The following ADH1C variants were observed in gnomAD, a reference collection of about 807,000 sequenced individuals.
ADH1C encodes the protein alcohol dehydrogenase 1C.
Under a neutral mutation model 35.0 loss-of-function variants are expected in ADH1C, and 26 were observed. That is an observed-to-expected ratio of 0.74 (90% confidence interval 0.54 to 1.03). The LOEUF is 1.03. Among genes scored for constraint, ADH1C ranks in the 50% least tolerant of loss-of-function variants. The pLI, the probability that ADH1C is intolerant of heterozygous loss-of-function variation, is 0.00. For missense variants in ADH1C, 413 were observed against 465.4 expected, an observed-to-expected ratio of 0.89 and a Z score of 1.04; for synonymous variants, 170 against 169.3, an observed-to-expected ratio of 1.00 and a Z score of -0.03.
At chr4:99,348,438 C>G (rs1398462375) in intron 1 of ADH1C, among the ~76,000 whole-genome samples, 1 of 151,608 alleles carries the variant, frequency 6.6e-6, no homozygotes, top group East Asian at 1.9e-4. Flanking sequence ...CATCCATGTC[C>G]CTACAAAGGA....
rs1734284074 is a variant in ADH1C at position 99,336,700 on chromosome 4, T to G, written c.*52A>C. Reference sequence around the variant, plus strand: ...ATTTCCTAGCTGTTGCTCCAGATCATGTAGGGTAGAGGAGGCTGAAAACTG... The same window carrying G: ...ATTTCCTAGCTGTTGCTCCAGATCAGGTAGGGTAGAGGAGGCTGAAAACTG... On this transcript the variant is annotated 3_prime_UTR_variant, in exon 9 of 9. Coordinates refer to ENST00000515683, the MANE Select transcript of ADH1C (RefSeq NM_000669.5). The G allele has an allele frequency of 1.9e-6, 3 of 1,594,362 alleles. No individual in the cohort carries two copies. The highest frequency in any genetic ancestry group is 1.7e-4 in the Middle Eastern group (1 of 6,032).
chr4:99,339,898 A>G (rs1028016371), intron 7 of ADH1C, among the ~76,000 whole-genome samples, 183 bp from the exon 8 acceptor site: 1 of 152,180 alleles, frequency 6.6e-6, no homozygotes, highest in African/African-American at 2.4e-5. Context: ...AAAATCACAG[A>G]TAAACAAGGG....
At chr4:99,342,010 C>CA (rs33982136) in intron 6 of ADH1C, among the ~76,000 whole-genome samples, 15 of 138,624 alleles carry the variant, frequency 1.1e-4, no homozygotes, top group South Asian at 2.3e-4. Flanking sequence ...GACCCTGTCT[C>CA]AAAAAAAAAA....
intron 1 of ADH1C, among the ~76,000 whole-genome samples, chr4:99,350,195 A>C (rs1466735024): frequency 6.6e-6 from 1 of 152,170 alleles, no homozygotes; most frequent in Non-Finnish European, 1.5e-5. Context: ...TCTGATTGTC[A>C]GGTGCCTATG....
intron 3 of ADH1C, among the ~76,000 whole-genome samples, chr4:99,346,791 A>G (rs975861321): frequency 1.3e-5 from 2 of 152,092 alleles, no homozygotes; most frequent in African/African-American, 4.8e-5. Context: ...CTAGTAGTAC[A>G]TAATGGTTGA....
At chr4:99,340,392 T>A (rs1338764173) in intron 7 of ADH1C, among the ~76,000 whole-genome samples, 183 bp downstream of exon 7, 1 of 151,376 alleles carries the variant, frequency 6.6e-6, no homozygotes, top group Non-Finnish European at 1.5e-5. Flanking sequence ...CTACCTTGTG[T>A]GACAGAGCAA....
At position 99,344,845 on chromosome 4, in the gene ADH1C, T is replaced by C. The variant is rs373664235; in HGVS notation, c.567+17A>G. On this transcript the variant is annotated intron_variant, in intron 5 of 8. Coordinates refer to ENST00000515683, the MANE Select transcript of ADH1C (RefSeq NM_000669.5). ...AGTCTGCGTGTAACCGGTTTTATCA[T>C]CCATTGTCATTTCTACCTTGGCAAC... 8.1e-6 allele frequency: 13 copies of C among 1,613,940 alleles called. No homozygotes were observed. The highest frequency in any genetic ancestry group is 3.3e-5 in the South Asian group (3 of 91,084).
intron 8 of ADH1C, 78 bp from the exon 9 acceptor site, chr4:99,336,854 T>C (rs1214605318): frequency 1.3e-6 from 2 of 1,587,326 alleles, no homozygotes; most frequent in Non-Finnish European, 1.7e-6. Context: ...AAGGAGTATT[T>C]GAGGTGACTT....
chr4:99,339,525 C>A, intron 8 of ADH1C, 52 bp downstream of exon 8: 2 of 1,281,810 alleles, frequency 1.6e-6, no homozygotes, highest in Non-Finnish European at 2.1e-6. Context: ...CCCCCCCCCC[C>A]CGCCGCTACT....
At chr4:99,337,908 T>C (rs1734313807) in intron 8 of ADH1C, among the ~76,000 whole-genome samples, 1 of 152,098 alleles carries the variant, frequency 6.6e-6, no homozygotes, top group African/African-American at 2.4e-5. Context: ...TTAAATCATA[T>C]TCTTAATGTT....
chr4:99,350,705 G>A (rs2110664951), intron 1 of ADH1C, among the ~76,000 whole-genome samples: 1 of 152,302 alleles, frequency 6.6e-6, no homozygotes, highest in Admixed American at 6.5e-5. Context: ...TAAACAATAT[G>A]AATTACTTTT....
In ADH1C at chr4:99,345,187, C is replaced by G; in HGVS notation, c.339G>C (p.Leu113Phe). The stretch of plus-strand genomic sequence containing the variant: ...AAGCATCAGAAACTTACTCATTTTT[C>G]AAGCAGTAGTTGCTTTCTGGGTTTT... ...ICKNPESNYCLKNDLGNPRGT... is the reference protein window; with the variant it reads ...ICKNPESNYCFKNDLGNPRGT... The change falls in exon 4 of 9, where the codon TTG (leucine) becomes TTC (phenylalanine). Residue 113 changes from leucine (L) to phenylalanine (F), a missense_variant. Leu to Phe is a conservative substitution (Grantham distance 22, BLOSUM62 0). Transcript: ENST00000515683. The G allele has an allele frequency of 4.3e-6, 7 of 1,613,928 alleles. No individual in the cohort carries two copies. Among genetic ancestry groups the G allele is most frequent in the Non-Finnish European group, 5.9e-6 (7 of 1,179,866 alleles).
intron 6 of ADH1C, among the ~76,000 whole-genome samples, chr4:99,341,446 A>T (rs989842842): frequency 6.6e-6 from 1 of 152,182 alleles, no homozygotes; most frequent in Non-Finnish European, 1.5e-5. Context: ...GCTGTCAGAC[A>T]TTTGGTGTCT....
At chr4:99,337,657 C>G (rs1304490640) in intron 8 of ADH1C, among the ~76,000 whole-genome samples, 1 of 151,794 alleles carries the variant, frequency 6.6e-6, no homozygotes. Flanking sequence ...TTAGAGAATA[C>G]AGGACAGAAG....
chr4:99,339,565 C>T lies in ADH1C; in HGVS notation c.1103+12G>A, dbSNP rs772984542. ...AATACAAAGCAAAACAAAAAAACAA[C>T]TTAAAATCTACCTCTTTCCAGAGCG... On this transcript the variant is annotated intron_variant, in intron 8 of 8. Coordinates refer to ENST00000515683, the MANE Select transcript of ADH1C (RefSeq NM_000669.5). 3.5e-6 allele frequency: 5 copies of T among 1,422,342 alleles called. No homozygotes were observed. Among genetic ancestry groups the T allele is most frequent in the Non-Finnish European group, 4.7e-6 (5 of 1,060,382 alleles). 88.1% of individuals were successfully genotyped at this position (1,422,342 alleles called of 1,614,324 possible). A position where few individuals can be genotyped will look rare whatever the true frequency, so the allele number is the denominator to read the frequency against.
At chr4:99,340,765 C>T in intron 6 of ADH1C, 55 bp from the exon 7 acceptor site, 9 of 1,606,202 alleles carry the variant, frequency 5.6e-6, no homozygotes, top group Middle Eastern at 2.3e-4. Context: ...AGTTCATACT[C>T]ATAATGCACA....
At chr4:99,347,478 A>T (rs1335694451) in intron 2 of ADH1C, among the ~76,000 whole-genome samples, 1 of 152,240 alleles carries the variant, frequency 6.6e-6, no homozygotes, top group Non-Finnish European at 1.5e-5. Flanking sequence ...ATGCAAATTG[A>T]TTGTGAACTC....
At chr4:99,337,603 G>A (rs1205251702) in intron 8 of ADH1C, among the ~76,000 whole-genome samples, 3 of 151,980 alleles carry the variant, frequency 2.0e-5, no homozygotes, top group Admixed American at 6.6e-5. Context: ...TGTGTGTGGT[G>A]TGTGTATATA....
rs1373541559 is a variant in ADH1C, at chr4:99,344,871, T to G, written c.558A>C (p.Lys186Asn). Reference sequence around the variant, plus strand: ...CCATTGTCATTTCTACCTTGGCAACTTTGACTGCAGACCCATAACCAGTCG... The same window carrying G: ...CCATTGTCATTTCTACCTTGGCAACGTTGACTGCAGACCCATAACCAGTCG... ...GFSTGYGSAV[K>N]VAKVTPGSTC... The change falls in exon 5 of 9, where the codon AAA becomes AAC. Residue 186 changes from lysine to asparagine, a missense_variant. Coordinates refer to ENST00000515683, the MANE Select transcript of ADH1C (RefSeq NM_000669.5). 6.2e-7 allele frequency: 1 copy of G among 1,614,154 alleles called. No individual in the cohort carries two copies. Among genetic ancestry groups the G allele is most frequent in the South Asian group, 1.1e-5 (1 of 91,092 alleles).
Sources: allele counts gnomAD v4.1 joint callset (sites outside exome capture counted in the v4.1 genomes callset), GRCh38; gene constraint gnomAD v4.1.1; transcripts MANE v1.5; gene names NCBI Gene and HGNC (gene_info 2026-07-23, HGNC 2026-07-21).